Variants in CLUAP1 observed in about 807,000 individuals in gnomAD.
CLUAP1 encodes the protein clusterin-associated protein 1.
In CLUAP1, 50 loss-of-function variants were observed where a neutral mutation model predicts 55.0. The ratio of observed to expected loss-of-function variants is 0.91; its 90% CI spans 0.72 to 1.15. The LOEUF is 1.15. Ranked by LOEUF, CLUAP1 falls within the 50% of genes most tolerant of loss-of-function variation. The pLI is 0.00. For missense variants in CLUAP1, 530 were observed against 507.6 expected (o/e 1.04, Z -0.42); for synonymous variants, 195 against 175.4 (o/e 1.11, Z -0.88).
intron 5 of CLUAP1, among the ~76,000 whole-genome samples, chr16:3,514,128 A>T (rs1172518536): frequency 6.6e-6 from 1 of 152,158 alleles, no homozygotes; most frequent in Non-Finnish European, 1.5e-5. Flanking sequence ...TGGTGTACAT[A>T]TGTCTGTACA....
At chr16:3,506,244 C>A in intron 2 of CLUAP1, 87 bp from the exon 3 acceptor site, 2 of 1,069,378 alleles carry the variant, frequency 1.9e-6, no homozygotes, top group Non-Finnish European at 2.9e-6. Flanking sequence ...GTGTTCCAGA[C>A]CCGCTGTCCT....
chr16:3,532,977 G>T lies in CLUAP1; in HGVS notation c.1092+136G>T. The T allele has an allele frequency of 6.0e-6, 8 of 1,341,872 alleles. No homozygotes were observed. The South Asian group carries it at 7.3e-5, about 12-fold the overall frequency. 83.1% of individuals were successfully genotyped at this position (1,341,872 alleles called of 1,614,324 possible). On this transcript the variant is annotated intron_variant, in intron 11 of 11. Coordinates refer to ENST00000576634, the MANE Select transcript of CLUAP1 (RefSeq NM_015041.3). Reference sequence around the variant, plus strand: ...CGGCCGTGCCTCGATGCGTGGCAGGGTTTGGCCTCATGAGGCTCTGGACTC... The same window carrying T: ...CGGCCGTGCCTCGATGCGTGGCAGGTTTTGGCCTCATGAGGCTCTGGACTC...
At chr16:3,535,854 C>T (rs1056863586) in intron 11 of CLUAP1, 2 of 444,190 alleles carry the variant, frequency 4.5e-6, no homozygotes, top group Non-Finnish European at 8.2e-6. Context: ...ATGCAGAGTG[C>T]TTCTTAGACG....
intron 7 of CLUAP1, among the ~76,000 whole-genome samples, chr16:3,520,892 C>T (rs1414061636): frequency 6.6e-6 from 1 of 152,170 alleles, no homozygotes; most frequent in Non-Finnish European, 1.5e-5. Flanking sequence ...TTTCCCTCCC[C>T]CATGCTTCTG....
chr16:3,536,080 G>A (rs982127831), intron 11 of CLUAP1, 42 bp from the exon 12 acceptor site: 4 of 1,604,662 alleles, frequency 2.5e-6, no homozygotes, highest in South Asian at 1.1e-5. Context: ...TGTCAGGAAT[G>A]AGGCAGGATC....
chr16:3,507,148 A>T (rs1486878339), intron 3 of CLUAP1, among the ~76,000 whole-genome samples: 1 of 151,758 alleles, frequency 6.6e-6, no homozygotes, highest in Non-Finnish European at 1.5e-5. Flanking sequence ...GTGAGCCGAG[A>T]TCACGCCACT....
chr16:3,497,245 T>C (rs2037324601), upstream of CLUAP1, among the ~76,000 whole-genome samples: 1 of 152,116 alleles, frequency 6.6e-6, no homozygotes, highest in African/African-American at 2.4e-5. Context: ...GTAGAGCTTT[T>C]TCAGAGCTAA....
intron 1 of CLUAP1, among the ~76,000 whole-genome samples, chr16:3,501,395 T>G (rs1401998989): frequency 6.6e-6 from 1 of 152,258 alleles, no homozygotes; most frequent in Non-Finnish European, 1.5e-5. Context: ...TATTTCTGTT[T>G]GTGTAGCTGC....
intron 9 of CLUAP1, among the ~76,000 whole-genome samples, chr16:3,529,616 ATATTATATATTATATAT>A (rs1430839323): frequency 0.057 from 1,006 of 17,642 alleles, 79 homozygotes; most frequent in Middle Eastern, 0.19. Flanking sequence ...ATATTATATA[ATATTATATATTATATAT>A]TATTATATAT....
intron 4 of CLUAP1, among the ~76,000 whole-genome samples, chr16:3,511,569 G>T (rs1225459294): frequency 6.6e-6 from 1 of 152,186 alleles, no homozygotes; most frequent in African/African-American, 2.4e-5. Flanking sequence ...TGCTGCAAGA[G>T]GATGTGTGTC....
At chr16:3,512,693 A>G (rs1241688212) in intron 5 of CLUAP1, among the ~76,000 whole-genome samples, 1 of 151,656 alleles carries the variant, frequency 6.6e-6, no homozygotes, top group Non-Finnish European at 1.5e-5. Context: ...TTATTTATTT[A>G]TTTTTGAGAC....
intron 1 of CLUAP1, among the ~76,000 whole-genome samples, chr16:3,504,015 T>A (rs777855434): frequency 1.3e-5 from 2 of 151,516 alleles, no homozygotes; most frequent in Non-Finnish European, 2.9e-5. Context: ...ACTCAACAAA[T>A]GTTTGTGGTG....
At chr16:3,529,789 AT>A (rs2038067508) in intron 9 of CLUAP1, among the ~76,000 whole-genome samples, 2 of 61,032 alleles carry the variant, frequency 3.3e-5, no homozygotes, top group Non-Finnish European at 5.6e-5. Context: ...ATTATATAAT[AT>A]ATATTATATT....
chr16:3,505,358 A>G (rs946290555), intron 2 of CLUAP1, among the ~76,000 whole-genome samples: 1 of 151,862 alleles, frequency 6.6e-6, no homozygotes, highest in African/African-American at 2.4e-5. Flanking sequence ...GTGAAACCCC[A>G]TCTCTATTAA....
chr16:3,506,469 G>T, intron 3 of CLUAP1, 54 bp downstream of exon 3: 1 of 1,370,226 alleles, frequency 7.3e-7, no homozygotes, highest in South Asian at 1.2e-5. Context: ...TAGAAAGGAT[G>T]ACTCCTTGTT....
chr16:3,505,069 C>G (rs1407532323), intron 2 of CLUAP1, among the ~76,000 whole-genome samples: 1 of 152,176 alleles, frequency 6.6e-6, no homozygotes, highest in Non-Finnish European at 1.5e-5. Flanking sequence ...AAGACCCTGT[C>G]TCCATACACA....
intron 5 of CLUAP1, among the ~76,000 whole-genome samples, chr16:3,512,741 C>A (rs535552863): frequency 6.6e-6 from 1 of 152,034 alleles, no homozygotes; most frequent in Non-Finnish European, 1.5e-5. Flanking sequence ...AGTGCAGTGG[C>A]GCAATCTCGT....
chr16:3,504,784 A>T lies in CLUAP1; in HGVS notation c.87A>T (p.Thr29=). 6.2e-7 allele frequency: 1 copy of T among 1,613,670 alleles called. No homozygotes were observed. The highest frequency in any genetic ancestry group is 8.5e-7 in the Non-Finnish European group (1 of 1,179,560). The change falls in exon 2 of 12, where the codon ACA becomes ACT. Residue 29 remains threonine, a synonymous_variant. Coordinates refer to ENST00000576634, the MANE Select transcript of CLUAP1 (RefSeq NM_015041.3). Reference sequence around the variant, plus strand: ...ATATTTCTATGGAAAATTTCCGTACACCCAATTTTGGACTTGTATCTGAAG... The same window carrying T: ...ATATTTCTATGGAAAATTTCCGTACTCCCAATTTTGGACTTGTATCTGAAG... ...PRHISMENFR[T]PNFGLVSEVL...
At chr16:3,522,290 A>C (rs1380389783) in intron 7 of CLUAP1, among the ~76,000 whole-genome samples, 2 of 150,270 alleles carry the variant, frequency 1.3e-5, no homozygotes, top group Non-Finnish European at 3.0e-5. Flanking sequence ...CAGCCACCCG[A>C]GTAGCTGGGA....
Sources: allele counts gnomAD v4.1 joint callset (sites outside exome capture counted in the v4.1 genomes callset), GRCh38; gene constraint gnomAD v4.1.1; transcripts MANE v1.5; gene names NCBI Gene and HGNC (gene_info 2026-07-23, HGNC 2026-07-21).